Variants in ESRRB observed in about 807,000 individuals in gnomAD.
ESRRB encodes the protein steroid hormone receptor ERR2.
A neutral mutation model predicts 46.0 loss-of-function variants in ESRRB; 16 were observed. The ratio of observed to expected loss-of-function variants is 0.35; its 90% CI spans 0.24 to 0.53. ESRRB has a LOEUF of 0.53. Ranked by LOEUF, ESRRB falls within the 20% of genes least tolerant of loss-of-function variation. The pLI, the probability that ESRRB is intolerant of heterozygous loss-of-function variation, is 0.93. For missense variants in ESRRB, 488 were observed against 607.4 expected (o/e 0.80, Z 2.07); for synonymous variants, 246 against 259.6 (o/e 0.95, Z 0.50).
chr14:76,424,496 C>G (rs1054667707), intron 1 of ESRRB, among the ~76,000 whole-genome samples: 9 of 152,216 alleles, frequency 5.9e-5, no homozygotes, highest in Non-Finnish European at 1.0e-4. Flanking sequence ...GTGTCGTCCC[C>G]TTCGTTGTGT....
chr14:76,445,482 A>AAAAAAAG (rs1555398182), intron 2 of ESRRB, among the ~76,000 whole-genome samples: 2 of 120,074 alleles, frequency 1.7e-5, no homozygotes, highest in African/African-American at 4.3e-5. Context: ...AAAAAAAAAA[A>AAAAAAAG]AAAGAAAGAA....
chr14:76,403,536 T>A (rs1466211079), intron 1 of ESRRB, among the ~76,000 whole-genome samples: 1 of 152,118 alleles, frequency 6.6e-6, no homozygotes, highest in Admixed American at 6.5e-5. Context: ...TAAGATGTGG[T>A]CATGTCGAAG....
At chr14:76,363,185 CT>C (rs1345092525) in intron 1 of ESRRB, among the ~76,000 whole-genome samples, 1 of 152,202 alleles carries the variant, frequency 6.6e-6, no homozygotes, top group Non-Finnish European at 1.5e-5. Flanking sequence ...CATATTTGGT[CT>C]CATTATGGCC....
chr14:76,445,059 C>T (rs1409121688), intron 2 of ESRRB, among the ~76,000 whole-genome samples: 1 of 151,398 alleles, frequency 6.6e-6, no homozygotes, highest in Non-Finnish European at 1.5e-5. Flanking sequence ...GTAATCCCTG[C>T]TTCTTGGGAG....
chr14:76,326,955 C>T lies in ESRRB; in HGVS notation c.2+16039C>T, dbSNP rs1373223296. Among the ~76,000 whole-genome samples the T allele has an allele frequency of 8.5e-5, 13 of 152,382 alleles. No homozygotes were observed. In the South Asian group the frequency reaches 1.2e-3, roughly 15 times the overall value. On this transcript the variant is annotated intron_variant, in intron 1 of 6. Coordinates refer to the ESRRB transcript ENST00000512784. ...CCTGGGCCCAGCACCAGCACAGCCT[C>T]GGGACCCCATGCCCAGTTTTTGGCA...
chr14:76,378,070 A>G (rs576984656), intron 1 of ESRRB, among the ~76,000 whole-genome samples: 44 of 152,240 alleles, frequency 2.9e-4, no homozygotes, highest in African/African-American at 9.9e-4. Context: ...TGTGGACAGT[A>G]TTTGGTGCTT....
At chr14:76,341,672 T>C (rs1202817463) in intron 1 of ESRRB, among the ~76,000 whole-genome samples, 1 of 152,208 alleles carries the variant, frequency 6.6e-6, no homozygotes, top group Non-Finnish European at 1.5e-5. Flanking sequence ...GCTAGTTGGA[T>C]AGCTCAATCC....
chr14:76,397,583 C>A (rs1333228233), intron 1 of ESRRB, among the ~76,000 whole-genome samples: 1 of 152,080 alleles, frequency 6.6e-6, no homozygotes, highest in African/African-American at 2.4e-5. Flanking sequence ...ATTTATTGGA[C>A]AAAATTTGGG....
intron 2 of ESRRB, among the ~76,000 whole-genome samples, chr14:76,440,113 C>G (rs1366388466): frequency 2.0e-5 from 3 of 152,112 alleles, no homozygotes. Context: ...ATATAATTTG[C>G]CCTGCAATTC....
chr14:76,333,579 T>C (rs1884090275), intron 1 of ESRRB, among the ~76,000 whole-genome samples: 1 of 148,312 alleles, frequency 6.7e-6, no homozygotes, highest in Admixed American at 7.0e-5. Context: ...CCTCCTGTCT[T>C]TGCTTCCCAA....
rs869092343 is a variant in ESRRB, at chr14:76,358,323, A to AAAAG, written c.2+47495_2+47498dup. ...CAAGACTCTGTCTCAAAAAAAAAAA[A>AAAAG]AAAGAAAGAAAGAAAGAAAGAAAGA... On this transcript the variant is annotated intron_variant, in intron 1 of 6. Transcript: ENST00000512784. Among the ~76,000 whole-genome samples the AAAAG allele has an allele frequency of 4.8e-3, 253 of 53,054 alleles. 8 individuals carry two copies. Among genetic ancestry groups the AAAAG allele is most frequent in the South Asian group, 7.5e-3 (9 of 1,208 alleles). 34.8% of individuals were successfully genotyped at this position (53,054 alleles called of 152,430 possible). A position where few individuals can be genotyped will look rare whatever the true frequency, so the allele number is the denominator to read the frequency against.
chr14:76,383,987 C>T (rs756449886), intron 1 of ESRRB, among the ~76,000 whole-genome samples: 1 of 152,066 alleles, frequency 6.6e-6, no homozygotes, highest in Non-Finnish European at 1.5e-5. Flanking sequence ...ATTTTTAAAT[C>T]CCTCCCCTCA....
chr14:76,438,786 G>A (rs762403549), intron 1 of ESRRB, among the ~76,000 whole-genome samples: 10 of 152,186 alleles, frequency 6.6e-5, no homozygotes, highest in Admixed American at 6.5e-5. Context: ...AAAGCACTAG[G>A]GTGCCTAATC....
chr14:76,408,319 C>G (rs1410957768), intron 1 of ESRRB, among the ~76,000 whole-genome samples: 1 of 152,158 alleles, frequency 6.6e-6, no homozygotes, highest in African/African-American at 2.4e-5. Context: ...TGGCTCACGC[C>G]TGTAATCCCA....
chr14:76,400,338 CA>C (rs1319777974), intron 1 of ESRRB, among the ~76,000 whole-genome samples: 3 of 152,130 alleles, frequency 2.0e-5, no homozygotes, highest in Non-Finnish European at 2.9e-5. Flanking sequence ...AGAAAGAGCA[CA>C]GGGCAGAGAA....
At chr14:76,398,088 T>C (rs764044843) in intron 1 of ESRRB, among the ~76,000 whole-genome samples, 7 of 152,252 alleles carry the variant, frequency 4.6e-5, no homozygotes, top group Non-Finnish European at 8.8e-5. Flanking sequence ...TACGCCAGCT[T>C]GTGCTTTGTT....
chr14:76,468,434 CAT>C, intron 3 of ESRRB, among the ~76,000 whole-genome samples: 1 of 136,992 alleles, frequency 7.3e-6, no homozygotes, highest in Non-Finnish European at 1.6e-5. Context: ...CACACACACA[CAT>C]ACCTGACAGC....
At chr14:76,410,223 AAAACAAAC>A (rs542047253) in intron 1 of ESRRB, among the ~76,000 whole-genome samples, 57 of 152,272 alleles carry the variant, frequency 3.7e-4, no homozygotes, top group African/African-American at 1.3e-3. Flanking sequence ...GACAGGTCTC[AAAACAAAC>A]AAACAAACAA....
At chr14:76,390,159 G>A (rs1191515185) in intron 1 of ESRRB, among the ~76,000 whole-genome samples, 1 of 152,188 alleles carries the variant, frequency 6.6e-6, no homozygotes, top group African/African-American at 2.4e-5. Flanking sequence ...CTCTTCTGCT[G>A]TGATCTTCCA....
Sources: gnomAD v4.1 joint callset for allele counts (sites outside exome capture counted in the v4.1 genomes callset) on GRCh38, gnomAD v4.1.1 for gene constraint, MANE v1.5 for transcripts, NCBI Gene and HGNC (gene_info 2026-07-23, HGNC 2026-07-21) for gene names.